SASH1: variants seen among roughly 807,000 people sequenced by gnomAD.
SASH1 encodes the protein SAM and SH3 domain-containing protein 1.
A neutral mutation model predicts 125.2 loss-of-function variants in SASH1; 44 were observed. The ratio of observed to expected loss-of-function variants is 0.35; its 90% CI spans 0.28 to 0.45. The LOEUF (loss-of-function observed/expected upper bound fraction) is 0.45. Among genes scored for constraint, SASH1 ranks in the 20% least tolerant of loss-of-function variants. The probability of loss-of-function intolerance (pLI) is 1.00; values close to 1 mark genes in which losing one functional copy is unlikely to be tolerated. For synonymous variants in SASH1, 639 were observed against 649.1 expected (o/e 0.98, Z 0.24); for missense variants, 1,426 against 1,614.5 (o/e 0.88, Z 2.00).
the SASH1 span, among the ~76,000 whole-genome samples, chr6:148,234,782 G>A: frequency 6.6e-6 from 1 of 151,398 alleles, no homozygotes; most frequent in Non-Finnish European, 1.5e-5. Context: ...AGCCGAGACT[G>A]CGCCATTGCA....
At chr6:148,317,585 C>T (rs1780513591) in intron 1 of SASH1, among the ~76,000 whole-genome samples, 3 of 152,166 alleles carry the variant, frequency 2.0e-5, no homozygotes, top group Admixed American at 1.3e-4. Flanking sequence ...CCACCACATC[C>T]GGCTAATTTT....
At chr6:148,260,555 A>G in the SASH1 span, among the ~76,000 whole-genome samples, 2 of 151,522 alleles carry the variant, frequency 1.3e-5, no homozygotes, top group Admixed American at 6.6e-5. Flanking sequence ...GCAATAAGCT[A>G]TGATCATGCC....
intron 1 of SASH1, among the ~76,000 whole-genome samples, chr6:148,362,394 CCAG>C (rs1782270102): frequency 1.3e-5 from 2 of 151,892 alleles, no homozygotes; most frequent in African/African-American, 4.8e-5. Context: ...GGCCAAATGT[CCAG>C]CATTTCTTAC....
rs138348102 is a variant in SASH1, at chr6:148,330,011, C to A, written n.74+57634C>A. ...AACAGGGTTAACCTCAGGGCTCCAC[C>A]ATGCATCTGGCACTCATGGGTCTTC... is the stretch of plus-strand genomic sequence containing the variant. On this transcript the variant is annotated intron_variant and non_coding_transcript_variant, in intron 1 of 3. Coordinates refer to the SASH1 transcript ENST00000367469. Among the ~76,000 whole-genome samples the A allele has an allele frequency of 3.3e-3, 507 of 152,232 alleles. 2 individuals carry two copies. Among genetic ancestry groups the A allele is most frequent in the African/African-American group, 0.011 (474 of 41,540 alleles).
At chr6:148,242,272 A>G in the SASH1 span, among the ~76,000 whole-genome samples, 1 of 152,238 alleles carries the variant, frequency 6.6e-6, no homozygotes, top group African/African-American at 2.4e-5. Flanking sequence ...AAAGGGTGGG[A>G]AAATATGTGA....
At chr6:148,208,791 A>G in the SASH1 span, among the ~76,000 whole-genome samples, 1 of 152,218 alleles carries the variant, frequency 6.6e-6, no homozygotes, top group Non-Finnish European at 1.5e-5. Flanking sequence ...ACATGGGAAT[A>G]AAGGACCAAA....
At chr6:148,265,960 G>A in the SASH1 span, among the ~76,000 whole-genome samples, 32,533 of 151,526 alleles carry the variant, frequency 0.21, 3,789 homozygotes, top group South Asian at 0.29. Flanking sequence ...GTCAATCATC[G>A]CGTATTCAGC....
chr6:148,343,734 A>G (rs1322329946), intron 1 of SASH1, among the ~76,000 whole-genome samples: 2 of 152,208 alleles, frequency 1.3e-5, no homozygotes, highest in Non-Finnish European at 2.9e-5. Context: ...TGGGGCTAAA[A>G]CAATAGGACT....
chr6:148,499,715 A>G (rs1276635167), intron 8 of SASH1, among the ~76,000 whole-genome samples: 2 of 152,182 alleles, frequency 1.3e-5, no homozygotes, highest in Non-Finnish European at 2.9e-5. Flanking sequence ...CAGCAAAGTC[A>G]GAGGTCTAGA....
chr6:148,276,490 G>A (rs1224560945), intron 1 of SASH1, among the ~76,000 whole-genome samples: 2 of 152,108 alleles, frequency 1.3e-5, no homozygotes, highest in Non-Finnish European at 2.9e-5. Flanking sequence ...AAACCTAGAA[G>A]AGTAAGAGAA....
At chr6:148,291,577 G>A (rs1779633534) in intron 1 of SASH1, among the ~76,000 whole-genome samples, 1 of 152,062 alleles carries the variant, frequency 6.6e-6, no homozygotes, top group Non-Finnish European at 1.5e-5. Flanking sequence ...CCAGCTCCTT[G>A]GGAGTCTGAG....
At chr6:148,284,281 A>T (rs538786103) in intron 1 of SASH1, among the ~76,000 whole-genome samples, 7 of 152,312 alleles carry the variant, frequency 4.6e-5, no homozygotes, top group African/African-American at 1.7e-4. Context: ...TCTACTAAAA[A>T]TACAAAAACT....
intron 4 of SASH1, among the ~76,000 whole-genome samples, chr6:148,448,285 C>A (rs1032759977): frequency 2.0e-5 from 3 of 152,160 alleles, no homozygotes; most frequent in Non-Finnish European, 4.4e-5. Context: ...CACAAACATG[C>A]TTAGGTCTTC....
At chr6:148,320,858 T>C (rs1356720976) in intron 1 of SASH1, among the ~76,000 whole-genome samples, 1 of 152,220 alleles carries the variant, frequency 6.6e-6, no homozygotes, top group East Asian at 1.9e-4. Flanking sequence ...TTTGTGCCTT[T>C]GCTCCCATTG....
intron 16 of SASH1, among the ~76,000 whole-genome samples, chr6:148,535,240 C>A (rs1248904189): frequency 1.3e-5 from 2 of 152,194 alleles, no homozygotes; most frequent in Non-Finnish European, 2.9e-5. Context: ...CCTTTCCGGG[C>A]ATGTTTCTAG....
intron 1 of SASH1, among the ~76,000 whole-genome samples, chr6:148,343,681 GT>G (rs1415137747): frequency 6.6e-6 from 1 of 152,104 alleles, no homozygotes; most frequent in African/African-American, 2.4e-5. Flanking sequence ...TTTTTTTGCA[GT>G]TTTTCAATTT....
At chr6:148,536,330 T>G (rs753406066) in intron 16 of SASH1, among the ~76,000 whole-genome samples, 1 of 152,126 alleles carries the variant, frequency 6.6e-6, no homozygotes, top group Non-Finnish European at 1.5e-5. Flanking sequence ...GTTTTTGTTT[T>G]GTTTTGTTTT....
the SASH1 span, among the ~76,000 whole-genome samples, chr6:148,217,685 A>G: frequency 4.0e-4 from 61 of 152,062 alleles, no homozygotes; most frequent in African/African-American, 1.3e-3. Context: ...CCAGGCACCA[A>G]TATCCTGAGG....
At chr6:148,441,867 T>C (rs6940813) in intron 4 of SASH1, among the ~76,000 whole-genome samples, 66,640 of 152,014 alleles carry the variant, frequency 0.44, 14,846 homozygotes, top group South Asian at 0.68. Flanking sequence ...CTCTTGTGGC[T>C]GAGAGAGACT....
Sources: allele counts gnomAD v4.1 joint callset (sites outside exome capture counted in the v4.1 genomes callset), GRCh38; gene constraint gnomAD v4.1.1; transcripts MANE v1.5; gene names NCBI Gene and HGNC (gene_info 2026-07-23, HGNC 2026-07-21).